Variants in GPC5 observed in about 807,000 individuals in gnomAD.
The protein encoded by GPC5 is glypican-5.
In GPC5, 47 loss-of-function variants were observed where a neutral mutation model predicts 53.9. The ratio of observed to expected loss-of-function variants is 0.87; its 90% CI spans 0.69 to 1.11. The LOEUF (loss-of-function observed/expected upper bound fraction) is 1.11, where lower values mean the gene tolerates loss of function less well. GPC5 is among the 50% of genes most tolerant of loss of function. GPC5 has a pLI of 0.00. For synonymous variants in GPC5, 286 were observed against 263.3 expected, an observed-to-expected ratio of 1.09 and a Z score of -0.84; for missense variants, 748 against 713.1, an observed-to-expected ratio of 1.05 and a Z score of -0.56.
At chr13:91,626,519 A>G (rs376129353) in intron 2 of GPC5, among the ~76,000 whole-genome samples, 1 of 152,112 alleles carries the variant, frequency 6.6e-6, no homozygotes, top group South Asian at 2.1e-4. Flanking sequence ...ACGCAGGAAG[A>G]TATATTATGG....
intron 7 of GPC5, among the ~76,000 whole-genome samples, chr13:92,481,006 G>A (rs1879331610): frequency 6.6e-6 from 1 of 152,196 alleles, no homozygotes; most frequent in Non-Finnish European, 1.5e-5. Context: ...CAAAGGAACA[G>A]GTTCTCCCCT....
intron 5 of GPC5, among the ~76,000 whole-genome samples, chr13:91,819,721 A>G (rs1416033115): frequency 2.0e-5 from 3 of 152,302 alleles, no homozygotes; most frequent in Non-Finnish European, 4.4e-5. Context: ...CTGCCTGTAT[A>G]TAATTGTTGC....
intron 5 of GPC5, among the ~76,000 whole-genome samples, chr13:91,781,357 G>T (rs115455780): frequency 6.6e-6 from 1 of 152,200 alleles, no homozygotes; most frequent in Non-Finnish European, 1.5e-5. Context: ...GCTGTACTGA[G>T]AATAGTTGGG....
At chr13:92,381,346 G>A (rs2043737223) in intron 7 of GPC5, among the ~76,000 whole-genome samples, 1 of 152,026 alleles carries the variant, frequency 6.6e-6, no homozygotes, top group Non-Finnish European at 1.5e-5. Context: ...TTCCTACCTG[G>A]CAGTGATGTT....
At chr13:91,426,122 A>T (rs1361207837) in intron 1 of GPC5, among the ~76,000 whole-genome samples, 1 of 152,198 alleles carries the variant, frequency 6.6e-6, no homozygotes, top group African/African-American at 2.4e-5. Context: ...GTGGTAGAAA[A>T]GAAAAACTAA....
At chr13:92,567,133 T>G (rs1882887115) in intron 7 of GPC5, among the ~76,000 whole-genome samples, 1 of 152,084 alleles carries the variant, frequency 6.6e-6, no homozygotes, top group South Asian at 2.1e-4. Flanking sequence ...TCACACAAAA[T>G]GGACAGTTAT....
chr13:91,839,833 A>G (rs2038764423), intron 5 of GPC5, among the ~76,000 whole-genome samples: 1 of 152,152 alleles, frequency 6.6e-6, no homozygotes, highest in South Asian at 2.1e-4. Context: ...ATTCAGTATC[A>G]TCAACAAGGT....
chr13:92,145,870 A>G (rs1227794191), intron 7 of GPC5, among the ~76,000 whole-genome samples: 3 of 152,296 alleles, frequency 2.0e-5, no homozygotes, highest in East Asian at 1.9e-4. Context: ...CTTTGCACCT[A>G]TTAGACATGC....
At chr13:92,527,249 G>GAGAA (rs199630577) in intron 7 of GPC5, among the ~76,000 whole-genome samples, 670 of 32,660 alleles carry the variant, frequency 0.021, 63 homozygotes, top group South Asian at 0.038. Flanking sequence ...AAGAAAGAAA[G>GAGAA]AGAAAGAAAG....
At chr13:92,635,958 A>C (rs1285586561) in intron 7 of GPC5, among the ~76,000 whole-genome samples, 6 of 152,234 alleles carry the variant, frequency 3.9e-5, no homozygotes, top group Non-Finnish European at 8.8e-5. Context: ...TTTTTAAGTC[A>C]GGTCTTTCAC....
intron 6 of GPC5, among the ~76,000 whole-genome samples, chr13:92,080,760 T>C (rs2041288551): frequency 1.3e-5 from 2 of 152,270 alleles, no homozygotes; most frequent in Non-Finnish European, 2.9e-5. Flanking sequence ...CTCTTTTTAA[T>C]ATGGCCTGTG....
At chr13:91,634,249 A>G (rs76770863) in intron 2 of GPC5, among the ~76,000 whole-genome samples, 3 of 152,086 alleles carry the variant, frequency 2.0e-5, no homozygotes, top group Non-Finnish European at 4.4e-5. Flanking sequence ...TAAATATAAA[A>G]TATGTTGGGT....
At chr13:92,223,832 A>G (rs1171892882) in intron 7 of GPC5, among the ~76,000 whole-genome samples, 1 of 152,200 alleles carries the variant, frequency 6.6e-6, no homozygotes, top group Non-Finnish European at 1.5e-5. Context: ...TAAGTCAACA[A>G]AATGTTTTGT....
intron 6 of GPC5, among the ~76,000 whole-genome samples, chr13:92,048,186 A>G (rs1594742937): frequency 6.6e-6 from 1 of 152,226 alleles, no homozygotes; most frequent in East Asian, 1.9e-4. Context: ...AACTCATCTG[A>G]CAGATTTGTG....
chr13:92,404,014 C>A (rs73631064), intron 7 of GPC5, among the ~76,000 whole-genome samples: 3,806 of 152,186 alleles, frequency 0.025, 154 homozygotes, highest in African/African-American at 0.086. Context: ...TATTGTATTA[C>A]ATATGAGTTT....
chr13:92,832,541 T>C (rs143919713), intron 7 of GPC5, among the ~76,000 whole-genome samples: 1 of 152,194 alleles, frequency 6.6e-6, no homozygotes, highest in African/African-American at 2.4e-5. Context: ...GGAGTTACTG[T>C]ATCTTAATGT....
intron 7 of GPC5, chr13:92,658,959 C>A (rs1200105737): frequency 8.8e-6 from 1 of 113,968 alleles, no homozygotes; most frequent in East Asian, 2.8e-4. Flanking sequence ...GACGGAGTCT[C>A]GCTCTGTCGC....
chr13:92,539,765 T>C (rs1439354790), intron 7 of GPC5, among the ~76,000 whole-genome samples: 1 of 151,954 alleles, frequency 6.6e-6, no homozygotes, highest in Non-Finnish European at 1.5e-5. Context: ...CTATATGCAC[T>C]TACTTCACAG....
At chr13:91,885,310 G>A (rs1485995296) in intron 5 of GPC5, among the ~76,000 whole-genome samples, 1 of 152,170 alleles carries the variant, frequency 6.6e-6, no homozygotes, top group East Asian at 1.9e-4. Context: ...AATGTTAACA[G>A]AGAAGAAGAA....
Sources: gnomAD v4.1 joint callset for allele counts (sites outside exome capture counted in the v4.1 genomes callset) on GRCh38, gnomAD v4.1.1 for gene constraint, MANE v1.5 for transcripts, NCBI Gene and HGNC (gene_info 2026-07-23, HGNC 2026-07-21) for gene names.